The following SGCD variants were observed in gnomAD, a reference collection of about 807,000 sequenced individuals.
The protein encoded by SGCD is sarcoglycan delta, also known as delta-sarcoglycan.
A neutral mutation model predicts 36.6 loss-of-function variants in SGCD; 18 were observed. The observed-to-expected ratio is 0.49, with a 90% CI of 0.34 to 0.73. SGCD has a LOEUF of 0.73. SGCD is among the 30% of genes least tolerant of loss of function. The probability of loss-of-function intolerance (pLI) is 0.01; values close to 1 mark genes in which losing one functional copy is unlikely to be tolerated. For missense variants in SGCD, 387 were observed against 346.7 expected, an observed-to-expected ratio of 1.12 and a Z score of -0.92; for synonymous variants, 133 against 130.6, an observed-to-expected ratio of 1.02 and a Z score of -0.12.
chr5:155,769,437 C>CAA, the SGCD span, among the ~76,000 whole-genome samples: 2,411 of 133,274 alleles, frequency 0.018, 68 homozygotes, highest in African/African-American at 0.055. Flanking sequence ...TAGAAATGAC[C>CAA]AAAAAAAAAA....
chr5:156,703,874 C>T (rs1038711884), intron 7 of SGCD, among the ~76,000 whole-genome samples: 1 of 151,908 alleles, frequency 6.6e-6, no homozygotes, highest in Admixed American at 6.6e-5. Flanking sequence ...TTTTGTGGCT[C>T]AGTGTGTAAT....
rs1760484807 is a variant in SGCD, at chr5:156,586,132, GCT to G, written c.295-3095_295-3094del. Among the ~76,000 whole-genome samples the G allele has an allele frequency of 2.6e-5, 4 of 151,328 alleles. No homozygotes were observed. The South Asian group carries it at 8.3e-4, about 31-fold the overall frequency. ...TATCCCGGAAACCACCTTATGTATAGCTCTCATATCTCCCTACGCTCTTGGCT... is the reference window on the plus strand; with the variant it reads ...TATCCCGGAAACCACCTTATGTATAGCTCATATCTCCCTACGCTCTTGGCT... On this transcript the variant is annotated intron_variant, in intron 4 of 8. Coordinates refer to ENST00000337851, the MANE Select transcript of SGCD (RefSeq NM_000337.6).
intron 1 of SGCD, among the ~76,000 whole-genome samples, chr5:156,027,359 A>G (rs1335305514): frequency 3.9e-5 from 6 of 152,210 alleles, no homozygotes; most frequent in East Asian, 1.9e-4. Context: ...TTAAAAGTGA[A>G]TTTTGAATAA....
At chr5:156,477,919 T>C (rs1755258586) in intron 3 of SGCD, among the ~76,000 whole-genome samples, 1 of 152,138 alleles carries the variant, frequency 6.6e-6, no homozygotes, top group Non-Finnish European at 1.5e-5. Flanking sequence ...AATATTTTTA[T>C]GAAATGCTCA....
chr5:156,065,327 A>G (rs1285653660), intron 1 of SGCD, among the ~76,000 whole-genome samples: 4 of 92,984 alleles, frequency 4.3e-5, no homozygotes, highest in Admixed American at 2.1e-4. Context: ...CTGTTCTTTT[A>G]CATTTGCTGA....
chr5:156,534,176 CT>C (rs34930090), intron 4 of SGCD, among the ~76,000 whole-genome samples: 92 of 145,334 alleles, frequency 6.3e-4, no homozygotes, highest in Middle Eastern at 3.7e-3. Context: ...GGACATCATT[CT>C]TTTTTTTTTT....
At chr5:156,499,782 T>C (rs143257152) in intron 3 of SGCD, among the ~76,000 whole-genome samples, 2 of 152,348 alleles carry the variant, frequency 1.3e-5, no homozygotes, top group East Asian at 3.9e-4. Context: ...TTTGTTCTTT[T>C]CTTTTGTTGC....
chr5:156,382,603 TAAA>T (rs1272166675), intron 3 of SGCD, among the ~76,000 whole-genome samples: 1 of 152,112 alleles, frequency 6.6e-6, no homozygotes, highest in Non-Finnish European at 1.5e-5. Flanking sequence ...TAAAAAGTAA[TAAA>T]AATCAGGGAC....
At chr5:155,911,319 G>GTATATA (rs1554103851) in intron 1 of SGCD, among the ~76,000 whole-genome samples, 9 of 141,444 alleles carry the variant, frequency 6.4e-5, no homozygotes, top group South Asian at 2.4e-4. Flanking sequence ...GTGTGTGTGT[G>GTATATA]TATATATATA....
rs147723393 is a variant in SGCD, at chr5:156,729,648, G to C, written c.576-27933G>C. On this transcript the variant is annotated intron_variant, in intron 7 of 8. Transcript: ENST00000337851. The stretch of plus-strand genomic sequence containing the variant: ...GATCTTTTAAGATTAGCCATCCCAG[G>C]CTGACCTTTTATTTAAATTACATTA... 1.7e-3 allele frequency among the ~76,000 whole-genome samples: 256 copies of C among 152,230 alleles called. 1 individual carries two copies. The highest frequency in any genetic ancestry group is 5.9e-3 in the African/African-American group (243 of 41,536).
intron 4 of SGCD, among the ~76,000 whole-genome samples, chr5:156,551,799 A>C (rs1164698051): frequency 1.3e-5 from 2 of 152,114 alleles, no homozygotes; most frequent in Non-Finnish European, 2.9e-5. Context: ...CATCCCTGAC[A>C]CAGAAGTTAC....
intron 3 of SGCD, among the ~76,000 whole-genome samples, chr5:156,369,918 C>T (rs1417649864): frequency 2.0e-5 from 3 of 152,230 alleles, no homozygotes; most frequent in African/African-American, 7.2e-5. Flanking sequence ...GGTGCTTTCT[C>T]TTCACAGTCA....
the SGCD span, among the ~76,000 whole-genome samples, chr5:155,758,058 C>A: frequency 6.6e-6 from 1 of 152,108 alleles, no homozygotes; most frequent in African/African-American, 2.4e-5. Flanking sequence ...AAACCTCTTT[C>A]CTGTGTAAAT....
chr5:156,738,227 T>C (rs1182155839), intron 7 of SGCD, among the ~76,000 whole-genome samples: 1 of 152,230 alleles, frequency 6.6e-6, no homozygotes, highest in Admixed American at 6.5e-5. Flanking sequence ...ATTTAGTTTC[T>C]ATCTCACTTT....
At chr5:155,885,614 T>C (rs1042687567) in intron 1 of SGCD, among the ~76,000 whole-genome samples, 2 of 152,258 alleles carry the variant, frequency 1.3e-5, no homozygotes, top group African/African-American at 4.8e-5. Context: ...CATTGACAAC[T>C]ACTCTCCAAA....
At chr5:155,912,589 G>A (rs551014693) in intron 1 of SGCD, among the ~76,000 whole-genome samples, 1 of 152,198 alleles carries the variant, frequency 6.6e-6, no homozygotes, top group South Asian at 2.1e-4. Flanking sequence ...TTTTGTGTGT[G>A]TGGCTGTATT....
chr5:156,436,264 A>T (rs1013341104), intron 3 of SGCD, among the ~76,000 whole-genome samples: 1 of 152,242 alleles, frequency 6.6e-6, no homozygotes, highest in African/African-American at 2.4e-5. Context: ...GTTATCACAC[A>T]CTATAAGATT....
chr5:156,444,111 T>C (rs1039685698), intron 3 of SGCD, among the ~76,000 whole-genome samples: 3 of 90,028 alleles, frequency 3.3e-5, no homozygotes, highest in Admixed American at 1.2e-4. Context: ...TCTCTCTCTC[T>C]CTCTCCCCTT....
chr5:155,807,680 C>T, the SGCD span, among the ~76,000 whole-genome samples: 2 of 152,118 alleles, frequency 1.3e-5, no homozygotes, highest in African/African-American at 4.8e-5. Flanking sequence ...TGTTTTTGTT[C>T]CAAAGAGTTT....
Sources: gnomAD v4.1 joint callset for allele counts (sites outside exome capture counted in the v4.1 genomes callset) on GRCh38, gnomAD v4.1.1 for gene constraint, MANE v1.5 for transcripts, NCBI Gene and HGNC (gene_info 2026-07-23, HGNC 2026-07-21) for gene names.